Variants in PLB1 observed in about 807,000 individuals in gnomAD.
PLB1 encodes phospholipase B1, membrane-associated.
A neutral mutation model predicts 227.4 loss-of-function variants in PLB1; 242 were observed. That is an observed-to-expected ratio of 1.06 (90% CI 0.96 to 1.18). PLB1 has a LOEUF of 1.18. PLB1 is among the 50% of genes most tolerant of loss of function. PLB1 has a pLI of 0.00. For synonymous variants in PLB1, 757 were observed against 682.2 expected, an observed-to-expected ratio of 1.11 and a Z score of -1.71; for missense variants, 1,858 against 1,816.3, an observed-to-expected ratio of 1.02 and a Z score of -0.42.
intron 57 of PLB1, among the ~76,000 whole-genome samples, chr2:28,641,597 G>C (rs898330155): frequency 6.6e-6 from 1 of 152,162 alleles, no homozygotes; most frequent in South Asian, 2.1e-4. Flanking sequence ...GACAGAGTGA[G>C]ACTGTCTCAA....
At chr2:28,614,835 A>G (rs1685966899) in intron 44 of PLB1, among the ~76,000 whole-genome samples, 1 of 152,194 alleles carries the variant, frequency 6.6e-6, no homozygotes, top group African/African-American at 2.4e-5. Flanking sequence ...GCCCAGTAGA[A>G]TTTCACAATT....
intron 14 of PLB1, among the ~76,000 whole-genome samples, chr2:28,547,980 T>C (rs1673562208): frequency 6.6e-6 from 1 of 152,236 alleles, no homozygotes; most frequent in South Asian, 2.1e-4. Context: ...ATCTACGTTA[T>C]TAGATGTCAT....
chr2:28,524,828 T>TTC (rs912911474), intron 4 of PLB1, among the ~76,000 whole-genome samples: 65 of 147,524 alleles, frequency 4.4e-4, no homozygotes, highest in Non-Finnish European at 6.8e-4. Context: ...TCTCTGTAGG[T>TTC]TCTCTCTCTC....
intron 49 of PLB1, among the ~76,000 whole-genome samples, chr2:28,622,678 A>C (rs1471712131): frequency 1.3e-5 from 2 of 152,192 alleles, no homozygotes; most frequent in African/African-American, 4.8e-5. Flanking sequence ...ACCTGAGGTC[A>C]GGAGTTCAAG....
chr2:28,594,219 AG>A, intron 33 of PLB1: 1 of 334,460 alleles, frequency 3.0e-6, no homozygotes, highest in Non-Finnish European at 6.1e-6. Flanking sequence ...ACACTTCGAG[AG>A]GCCATAACCA....
intron 33 of PLB1, chr2:28,596,131 G>A (rs1682873940): frequency 6.6e-6 from 1 of 152,226 alleles, no homozygotes; most frequent in Non-Finnish European, 1.5e-5. Flanking sequence ...AAATGTTACT[G>A]AGCATCTACT....
intron 39 of PLB1, 116 bp downstream of exon 39, chr2:28,603,037 T>C (rs1684147293): frequency 1.1e-6 from 1 of 870,614 alleles, no homozygotes; most frequent in African/African-American, 1.7e-5. Flanking sequence ...TGTCCAAGTC[T>C]GTAAAGGAGG....
At chr2:28,581,981 G>T in intron 23 of PLB1, 87 bp from the exon 24 acceptor site, 9 of 1,194,288 alleles carry the variant, frequency 7.5e-6, no homozygotes, top group Non-Finnish European at 9.4e-6. Flanking sequence ...AAAAAAAAAA[G>T]AAGGGGACCC....
At chr2:28,567,051 T>C (rs1421121149) in intron 20 of PLB1, among the ~76,000 whole-genome samples, 1 of 145,372 alleles carries the variant, frequency 6.9e-6, no homozygotes. Flanking sequence ...GGTTCGGGGC[T>C]TGGGGGCCGG....
intron 15 of PLB1, among the ~76,000 whole-genome samples, chr2:28,549,412 C>CTTTCTTTT (rs1204734649): frequency 2.3e-5 from 2 of 87,274 alleles, no homozygotes; most frequent in Non-Finnish European, 4.0e-5. Flanking sequence ...GAGATTCTTT[C>CTTTCTTTT]TTTTTTTTTT....
chr2:28,631,949 G>T, intron 54 of PLB1, 87 bp from the exon 55 acceptor site: 1 of 1,156,484 alleles, frequency 8.6e-7, no homozygotes, highest in East Asian at 2.4e-5. Flanking sequence ...GTTGACTCCC[G>T]TCAACAACCA....
At chr2:28,633,354 G>C in intron 56 of PLB1, 1 of 340,816 alleles carries the variant, frequency 2.9e-6, no homozygotes, top group South Asian at 3.6e-5. Context: ...CTTCTACCTC[G>C]TACTGTGTGA....
intron 27 of PLB1, 47 bp from the exon 28 acceptor site, chr2:28,589,628 G>C (rs912415132): frequency 1.9e-6 from 3 of 1,606,022 alleles, no homozygotes; most frequent in Non-Finnish European, 2.6e-6. Context: ...TCACTTATAT[G>C]ATCCAGTGTG....
intron 38 of PLB1, 139 bp downstream of exon 38, chr2:28,602,103 T>C: frequency 1.2e-6 from 1 of 843,350 alleles, no homozygotes; most frequent in Non-Finnish European, 1.9e-6. Flanking sequence ...TTTCAGAGGT[T>C]GGGGTCTAAC....
intron 56 of PLB1, among the ~76,000 whole-genome samples, chr2:28,635,595 G>A (rs1433732018): frequency 6.6e-6 from 1 of 152,304 alleles, no homozygotes; most frequent in East Asian, 1.9e-4. Context: ...TGCAGGCTTT[G>A]GCTGATGTTC....
At chr2:28,580,798 T>C (rs1679801145) in intron 23 of PLB1, among the ~76,000 whole-genome samples, 1 of 151,812 alleles carries the variant, frequency 6.6e-6, no homozygotes, top group Non-Finnish European at 1.5e-5. Flanking sequence ...GCAGGAGACT[T>C]TCCAGCTCAG....
intron 49 of PLB1, among the ~76,000 whole-genome samples, chr2:28,624,376 G>C (rs759751618): frequency 6.6e-6 from 1 of 150,694 alleles, no homozygotes; most frequent in Non-Finnish European, 1.5e-5. Flanking sequence ...CATGTTATTC[G>C]GTATACCAAT....
In PLB1 at chr2:28,643,515, C is replaced by A. The variant is rs1338219063; in HGVS notation, c.*454C>A. On this transcript the variant is annotated 3_prime_UTR_variant, in exon 58 of 58. Coordinates refer to ENST00000327757, the MANE Select transcript of PLB1 (RefSeq NM_153021.5). ...TGGCTGGTTGCCATTCAGTCCAATC[C>A]AACACATACCTATTAAGCAACTGTT... 1.2e-5 allele frequency: 2 copies of A among 160,516 alleles called. No homozygotes were observed. The highest frequency in any genetic ancestry group is 2.7e-5 in the Non-Finnish European group (2 of 73,328). The allele number at this position is 160,516 out of a possible 1,614,324, so 9.9% of individuals were successfully genotyped here.
chr2:28,605,435 A>C (rs1292204362), intron 41 of PLB1, among the ~76,000 whole-genome samples: 1 of 152,002 alleles, frequency 6.6e-6, no homozygotes, highest in Non-Finnish European at 1.5e-5. Context: ...GCCTTCCCCA[A>C]GGCTTTGTTC....
Sources: gnomAD v4.1 joint callset for allele counts (sites outside exome capture counted in the v4.1 genomes callset) on GRCh38, gnomAD v4.1.1 for gene constraint, MANE v1.5 for transcripts, NCBI Gene and HGNC (gene_info 2026-07-23, HGNC 2026-07-21) for gene names.